SLC27A6: variants seen among roughly 807,000 people sequenced by gnomAD.
SLC27A6 encodes the protein solute carrier family 27 member 6.
A neutral mutation model predicts 63.9 loss-of-function variants in SLC27A6; 74 were observed. The ratio of observed to expected loss-of-function variants is 1.16; its 90% CI spans 0.96 to 1.40. The LOEUF is 1.40. Ranked by LOEUF, SLC27A6 falls within the 40% of genes most tolerant of loss-of-function variation. The probability of loss-of-function intolerance (pLI) is 0.00; values close to 1 mark genes in which losing one functional copy is unlikely to be tolerated. For missense variants in SLC27A6, 794 were observed against 732.9 expected (o/e 1.08, Z -0.96); for synonymous variants, 287 against 260.8 (o/e 1.10, Z -0.97).
chr5:129,005,608 A>ATTTTTTTTTTT (rs34048257), intron 4 of SLC27A6, among the ~76,000 whole-genome samples: 2 of 98,916 alleles, frequency 2.0e-5, no homozygotes, highest in African/African-American at 3.9e-5. Context: ...GTCTGGTTGT[A>ATTTTTTTTTTT]TTTTTTTTTT....
intron 1 of SLC27A6, among the ~76,000 whole-genome samples, chr5:128,976,397 C>G (rs576466132): frequency 6.6e-6 from 1 of 152,212 alleles, no homozygotes; most frequent in Admixed American, 6.5e-5. Context: ...GCCTATAATC[C>G]CAGCTACTCA....
Position 129,033,052 on chromosome 5 carries a change from T to C in SLC27A6, c.1684-54T>C, listed in dbSNP as rs565261720. The C allele has an allele frequency of 7.3e-6, 8 of 1,088,658 alleles. No homozygotes were observed. In the African/African-American group the frequency reaches 1.3e-4, roughly 18 times the overall value. The allele number at this position is 1,088,658 out of a possible 1,614,324, so 67.4% of individuals were successfully genotyped here. A position where few individuals can be genotyped will look rare whatever the true frequency, so the allele number is the denominator to read the frequency against. The stretch of plus-strand genomic sequence containing the variant: ...TACAGTCTATAGTATTAACTATATA[T>C]GTATATATTATAGTTATTAAATGAT... On this transcript the variant is annotated intron_variant, in intron 9 of 9. Coordinates refer to ENST00000262462, the MANE Select transcript of SLC27A6 (RefSeq NM_001017372.3).
intron 9 of SLC27A6, among the ~76,000 whole-genome samples, chr5:129,032,117 T>C (rs1752434940): frequency 6.6e-6 from 1 of 152,000 alleles, no homozygotes; most frequent in Non-Finnish European, 1.5e-5. Context: ...ACAGAGATTC[T>C]TAAACTTTCT....
chr5:128,968,303 T>C (rs958371157), intron 1 of SLC27A6, among the ~76,000 whole-genome samples: 2 of 152,160 alleles, frequency 1.3e-5, no homozygotes, highest in Non-Finnish European at 2.9e-5. Flanking sequence ...GGTCAAATGG[T>C]ATTTCTAGTT....
intron 1 of SLC27A6, among the ~76,000 whole-genome samples, chr5:128,971,721 G>C (rs1465668608): frequency 1.3e-5 from 2 of 152,016 alleles, no homozygotes; most frequent in Non-Finnish European, 2.9e-5. Flanking sequence ...TATCCAATTT[G>C]CCAGTCTGTG....
chr5:128,998,290 G>C (rs1181473899), intron 4 of SLC27A6, among the ~76,000 whole-genome samples: 10 of 151,778 alleles, frequency 6.6e-5, no homozygotes, highest in African/African-American at 2.4e-4. Flanking sequence ...GCAAGACCTT[G>C]TTTCAAAATA....
At chr5:129,008,496 T>C (rs1751620435) in intron 4 of SLC27A6, among the ~76,000 whole-genome samples, 1 of 152,220 alleles carries the variant, frequency 6.6e-6, no homozygotes, top group African/African-American at 2.4e-5. Context: ...AAAACTCATC[T>C]CATACCTGAA....
chr5:129,033,332 G>A lies in SLC27A6; in HGVS notation c.*50G>A, dbSNP rs778575821. The A allele has an allele frequency of 1.8e-6, 2 of 1,142,538 alleles. No individual in the cohort carries two copies. The highest frequency in any genetic ancestry group is 2.5e-6 in the Non-Finnish European group (2 of 808,454). The allele number at this position is 1,142,538 out of a possible 1,614,324, so 70.8% of individuals were successfully genotyped here. ...ATGCTTTCTTAGGAAGAGTGAGAGG[G>A]GGGTATATGATTCTTTATGAAATGG... On this transcript the variant is annotated 3_prime_UTR_variant, in exon 10 of 10. Coordinates refer to ENST00000262462, the MANE Select transcript of SLC27A6 (RefSeq NM_001017372.3).
intron 5 of SLC27A6, among the ~76,000 whole-genome samples, chr5:129,020,464 A>C (rs530230357): frequency 6.6e-6 from 1 of 151,968 alleles, no homozygotes; most frequent in South Asian, 2.1e-4. Context: ...ACAATGTAAA[A>C]ATAATTATAA....
chr5:128,967,878 A>C (rs1580693793), intron 1 of SLC27A6, among the ~76,000 whole-genome samples: 1 of 152,148 alleles, frequency 6.6e-6, no homozygotes, highest in Non-Finnish European at 1.5e-5. Flanking sequence ...CATCATTTAC[A>C]TTAGGTATTC....
intron 4 of SLC27A6, among the ~76,000 whole-genome samples, chr5:129,000,916 A>G (rs145557986): frequency 6.6e-5 from 10 of 152,182 alleles, no homozygotes; most frequent in Non-Finnish European, 1.0e-4. Flanking sequence ...GAAAGCAGCT[A>G]TTCAGAGTAA....
chr5:129,004,950 G>T (rs1318010408), intron 4 of SLC27A6, among the ~76,000 whole-genome samples: 3 of 152,060 alleles, frequency 2.0e-5, no homozygotes, highest in Admixed American at 6.6e-5. Flanking sequence ...CTACAATCTA[G>T]GTTCTCATCA....
chr5:128,970,931 G>A lies in SLC27A6; in HGVS notation c.481+4313G>A, dbSNP rs181920195. 2.8e-4 allele frequency among the ~76,000 whole-genome samples: 42 copies of A among 152,262 alleles called. No individual in the cohort carries two copies. The East Asian group carries it at 7.7e-3, about 28-fold the overall frequency. ...TTTCCCTCTACACACTGCTTTAAAT[G>A]TTTTCCAGAGATTCTGATATGTTGT... On this transcript the variant is annotated intron_variant, in intron 1 of 9. Transcript: ENST00000262462.
chr5:129,004,877 T>A (rs2150143888), intron 4 of SLC27A6, among the ~76,000 whole-genome samples: 1 of 152,318 alleles, frequency 6.6e-6, no homozygotes, highest in South Asian at 2.1e-4. Flanking sequence ...TCTTTGCTGA[T>A]CTTGATGATT....
intron 4 of SLC27A6, among the ~76,000 whole-genome samples, chr5:129,000,939 T>C (rs1244190428): frequency 1.3e-5 from 2 of 152,202 alleles, no homozygotes; most frequent in East Asian, 1.9e-4. Flanking sequence ...AGTCTGTAAG[T>C]AGCAGTTCCT....
intron 1 of SLC27A6, among the ~76,000 whole-genome samples, chr5:128,968,109 G>T (rs1749980270): frequency 6.6e-6 from 1 of 152,114 alleles, no homozygotes; most frequent in African/African-American, 2.4e-5. Context: ...TTTTATGGCT[G>T]CATGGTATTC....
At chr5:129,025,084 T>G (rs1752191876) in intron 6 of SLC27A6, among the ~76,000 whole-genome samples, 1 of 152,180 alleles carries the variant, frequency 6.6e-6, no homozygotes, top group Admixed American at 6.6e-5. Flanking sequence ...ATGTTAAAAC[T>G]TGAATCCCAG....
intron 4 of SLC27A6, among the ~76,000 whole-genome samples, chr5:129,000,109 GA>G (rs370011571): frequency 1.4e-4 from 21 of 152,314 alleles, no homozygotes; most frequent in African/African-American, 5.1e-4. Flanking sequence ...TCAGCTTGCT[GA>G]AGAGGAAAGG....
Position 128,966,113 on chromosome 5 carries a change from G to A in SLC27A6, c.-25G>A. On this transcript the variant is annotated 5_prime_UTR_variant, in exon 1 of 10. Coordinates refer to ENST00000262462, the MANE Select transcript of SLC27A6 (RefSeq NM_001017372.3). Reference sequence around the variant, plus strand: ...GACGCTGGTGGGGGCTGAGATCAGAGCTGTCTTCTGGCCCAGTTGCCCCCA... The same window carrying A: ...GACGCTGGTGGGGGCTGAGATCAGAACTGTCTTCTGGCCCAGTTGCCCCCA... The A allele has an allele frequency of 1.3e-6, 2 of 1,530,000 alleles. No homozygotes were observed. Among genetic ancestry groups the A allele is most frequent in the East Asian group, 2.3e-5 (1 of 44,396 alleles). The allele number at this position is 1,530,000 out of a possible 1,614,324, so 94.8% of individuals were successfully genotyped here.
Sources: gnomAD v4.1 joint callset for allele counts (sites outside exome capture counted in the v4.1 genomes callset) on GRCh38, gnomAD v4.1.1 for gene constraint, MANE v1.5 for transcripts, NCBI Gene and HGNC (gene_info 2026-07-23, HGNC 2026-07-21) for gene names.